The following SHB variants were observed in gnomAD, a reference collection of about 807,000 sequenced individuals.
The protein encoded by SHB is SH2 domain containing adaptor protein B.
SHB carries 20 observed loss-of-function variants against 52.3 expected under a neutral mutation model. That is an observed-to-expected ratio of 0.38 (90% CI 0.27 to 0.56). SHB has a LOEUF of 0.56. Among genes scored for constraint, SHB ranks in the 20% least tolerant of loss-of-function variants. SHB has a pLI of 0.71. For missense variants in SHB, 825 were observed against 723.3 expected, an observed-to-expected ratio of 1.14 and a Z score of -1.61; for synonymous variants, 397 against 316.5, an observed-to-expected ratio of 1.25 and a Z score of -2.70.
chr9:37,994,496 AGGTTCAAAC>A (rs1820923690), intron 2 of SHB, among the ~76,000 whole-genome samples: 1 of 152,266 alleles, frequency 6.6e-6, no homozygotes, highest in African/African-American at 2.4e-5. Context: ...CGGGAGACTT[AGGTTCAAAC>A]CCTGGCTCTG....
At chr9:38,056,097 C>G (rs1180839075) in intron 1 of SHB, among the ~76,000 whole-genome samples, 1 of 152,142 alleles carries the variant, frequency 6.6e-6, no homozygotes, top group Non-Finnish European at 1.5e-5. Context: ...TTATCATAAT[C>G]ACTGATGAGA....
intron 2 of SHB, among the ~76,000 whole-genome samples, chr9:38,011,661 C>G (rs1253398167): frequency 6.6e-6 from 1 of 152,218 alleles, no homozygotes; most frequent in Non-Finnish European, 1.5e-5. Flanking sequence ...TTTCATGTCA[C>G]TGCCCAATGC....
chr9:37,960,257 C>T (rs1208579825), intron 3 of SHB, among the ~76,000 whole-genome samples: 4 of 152,244 alleles, frequency 2.6e-5, no homozygotes, highest in Non-Finnish European at 4.4e-5. Flanking sequence ...CACAACTGCT[C>T]TCATTCCTTC....
At chr9:37,957,068 C>T (rs182249484) in intron 3 of SHB, among the ~76,000 whole-genome samples, 1 of 152,216 alleles carries the variant, frequency 6.6e-6, no homozygotes, top group Non-Finnish European at 1.5e-5. Flanking sequence ...TATTGAACCT[C>T]TTTGAGTCCC....
chr9:38,068,045 C>G lies in SHB; in HGVS notation c.601G>C (p.Gly201Arg), dbSNP rs745352256. 2.0e-6 allele frequency: 3 copies of G among 1,502,230 alleles called. No individual in the cohort carries two copies. Among genetic ancestry groups the G allele is most frequent in the Non-Finnish European group, 2.6e-6 (3 of 1,134,110 alleles). The allele number at this position is 1,502,230 out of a possible 1,614,324, so 93.1% of individuals were successfully genotyped here. A position where few individuals can be genotyped will look rare whatever the true frequency, so the allele number is the denominator to read the frequency against. Reference protein sequence around the residue: ...AAGGGAGDPLGGACAGGRTWS... With the variant: ...AAGGGAGDPLRGACAGGRTWS... ...GTGCGGCCGCCCGCGCAGGCGCCCC[C>G]CAGGGGGTCCCCGGCCCCACCGCCC... The change falls in exon 1 of 6, where the codon GGG becomes CGG. Residue 201 changes from glycine (G) to arginine (R), a missense_variant. Physicochemically the swap from Gly to Arg is moderately radical, Grantham distance 125. Transcript: ENST00000377707.
chr9:37,973,915 C>T (rs985596649), intron 3 of SHB, among the ~76,000 whole-genome samples: 1 of 152,188 alleles, frequency 6.6e-6, no homozygotes, highest in African/African-American at 2.4e-5. Context: ...ACAGGAGCTG[C>T]TGTGCACACT....
intron 1 of SHB, among the ~76,000 whole-genome samples, chr9:38,036,117 C>T (rs534626571): frequency 2.4e-4 from 37 of 152,246 alleles, no homozygotes; most frequent in African/African-American, 8.9e-4. Flanking sequence ...CACAGACAGG[C>T]CCAAACTCCT....
At chr9:38,050,858 C>CA (rs147210260) in intron 1 of SHB, among the ~76,000 whole-genome samples, 9,148 of 149,864 alleles carry the variant, frequency 0.061, 897 homozygotes, top group African/African-American at 0.21. Context: ...CAGGCAGATA[C>CA]AAAAAAAAAG....
At chr9:37,927,028 G>A (rs370138380) in intron 5 of SHB, among the ~76,000 whole-genome samples, 1 of 152,220 alleles carries the variant, frequency 6.6e-6, no homozygotes, top group African/African-American at 2.4e-5. Context: ...GGCATTATAT[G>A]CAAGATACCC....
chr9:38,023,337 C>G (rs1821303719), intron 1 of SHB, among the ~76,000 whole-genome samples: 1 of 152,220 alleles, frequency 6.6e-6, no homozygotes, highest in African/African-American at 2.4e-5. Context: ...TTTGCCTTCT[C>G]AGCTTCACAT....
chr9:37,965,821 GTC>G (rs1438124876), intron 3 of SHB, among the ~76,000 whole-genome samples: 4 of 152,254 alleles, frequency 2.6e-5, no homozygotes, highest in East Asian at 1.9e-4. Flanking sequence ...GGGCCAAGTT[GTC>G]TCTGTTTCCT....
intron 5 of SHB, among the ~76,000 whole-genome samples, chr9:37,938,179 G>A (rs1587200552): frequency 1.3e-5 from 2 of 152,222 alleles, no homozygotes; most frequent in African/African-American, 4.8e-5. Context: ...GTTTACAAGA[G>A]CTTCCACTGC....
chr9:37,982,981 C>CCCG (rs1554702660), intron 2 of SHB, among the ~76,000 whole-genome samples: 1 of 151,544 alleles, frequency 6.6e-6, no homozygotes, highest in Non-Finnish European at 1.5e-5. Flanking sequence ...GTGCCCCCCC[C>CCCG]TCCATCTTTT....
chr9:38,002,724 C>G (rs141893007), intron 2 of SHB, among the ~76,000 whole-genome samples: 123 of 152,318 alleles, frequency 8.1e-4, no homozygotes, highest in African/African-American at 2.8e-3. Context: ...CAAGTTCAAG[C>G]TTTTCCAACA....
intron 3 of SHB, among the ~76,000 whole-genome samples, chr9:37,968,988 T>C (rs562691110): frequency 6.6e-6 from 1 of 152,216 alleles, no homozygotes; most frequent in Admixed American, 6.5e-5. Flanking sequence ...CCCCCTCCAA[T>C]GAAAGCACGA....
At chr9:37,990,189 T>C (rs1466133793) in intron 2 of SHB, among the ~76,000 whole-genome samples, 2 of 140,048 alleles carry the variant, frequency 1.4e-5, no homozygotes, top group African/African-American at 2.8e-5. Flanking sequence ...ATGCTGCTGC[T>C]CCAGCTTCAA....
chr9:37,972,742 C>T lies in SHB; in HGVS notation c.1054+1880G>A, dbSNP rs139195014. Among the ~76,000 whole-genome samples, 7 of 152,272 alleles carry T rather than the reference C, an allele frequency of 4.6e-5. No individual in the cohort carries two copies. The East Asian group carries it at 1.4e-3, about 29-fold the overall frequency. On this transcript the variant is annotated intron_variant, in intron 3 of 5. Transcript: ENST00000377707. ...TTTAGCTAGAAAAATGGGATTTGCTCAGCGCATGCTATATTCACAGAACTG... is the reference window on the plus strand; with the variant it reads ...TTTAGCTAGAAAAATGGGATTTGCTTAGCGCATGCTATATTCACAGAACTG...
In SHB at chr9:37,916,754, G is replaced by A. The variant is rs961474381; in HGVS notation, c.*3067C>T. ...CAGGACGGGACTGGCAGGCGGTGGG[G>A]CCCTCTTCCCCTACAAAGCCTCCTT... On this transcript the variant is annotated 3_prime_UTR_variant, in exon 6 of 6. Transcript: ENST00000377707. Among the ~76,000 whole-genome samples, 1 of 152,148 alleles carries A rather than the reference G, an allele frequency of 6.6e-6. No homozygotes were observed. Among genetic ancestry groups the A allele is most frequent in the Non-Finnish European group, 1.5e-5 (1 of 68,016 alleles).
chr9:37,959,145 C>A (rs1339371735), intron 3 of SHB, among the ~76,000 whole-genome samples: 1 of 152,162 alleles, frequency 6.6e-6, no homozygotes, highest in Non-Finnish European at 1.5e-5. Context: ...TGGAGGCTGA[C>A]CCCCTCAATG....
Sources: gnomAD v4.1 joint callset for allele counts (sites outside exome capture counted in the v4.1 genomes callset) on GRCh38, gnomAD v4.1.1 for gene constraint, MANE v1.5 for transcripts, NCBI Gene and HGNC (gene_info 2026-07-23, HGNC 2026-07-21) for gene names.